The following SMC4 variants were observed in gnomAD, a reference collection of about 807,000 sequenced individuals.
SMC4 encodes structural maintenance of chromosomes protein 4.
In SMC4, 87 loss-of-function variants were observed where a neutral mutation model predicts 145.6. The ratio of observed to expected loss-of-function variants is 0.60; its 90% confidence interval spans 0.50 to 0.71. The LOEUF is 0.71. Among genes scored for constraint, SMC4 ranks in the 30% least tolerant of loss-of-function variants. SMC4 has a pLI of 0.00. For missense variants in SMC4, 1,447 were observed against 1,537.1 expected (o/e 0.94, Z 0.98); for synonymous variants, 558 against 500.7 (o/e 1.11, Z -1.53).
chr3:160,401,801 C>G, intron 2 of SMC4, 114 bp from the exon 3 acceptor site: 1 of 733,958 alleles, frequency 1.4e-6, no homozygotes, highest in Non-Finnish European at 2.2e-6. Context: ...TAAATAACAT[C>G]CCTCCATCCC....
chr3:160,426,037 T>G, intron 16 of SMC4, 37 bp from the exon 17 acceptor site: 1 of 1,499,466 alleles, frequency 6.7e-7, no homozygotes, highest in Non-Finnish European at 9.0e-7. Context: ...AAGCAAATGT[T>G]AAAATATTGA....
chr3:160,426,971 C>A (rs994515900), intron 17 of SMC4, among the ~76,000 whole-genome samples: 1 of 152,178 alleles, frequency 6.6e-6, no homozygotes, highest in Non-Finnish European at 1.5e-5. Context: ...GATTAACCAT[C>A]CCAAAGAACT....
In SMC4 at chr3:160,431,676, A is replaced by G. The variant is rs1228728794; in HGVS notation, c.3148A>G (p.Asn1050Asp). The change falls in exon 21 of 24, where the codon AAT (asparagine) becomes GAT (aspartate). Residue 1050 changes from asparagine to aspartate, a missense_variant. Coordinates refer to ENST00000357388, the MANE Select transcript of SMC4 (RefSeq NM_001002800.3). ...SKISLHPIED[N>D]PIEEISVLSP... Reference sequence around the variant, plus strand: ...AATATCACTGCATCCTATAGAAGATAATCCTATTGAAGAGATTTCGGTTCT... The same window carrying G: ...AATATCACTGCATCCTATAGAAGATGATCCTATTGAAGAGATTTCGGTTCT... The G allele has an allele frequency of 6.2e-7, 1 of 1,607,324 alleles. No individual in the cohort carries two copies. Among genetic ancestry groups the G allele is most frequent in the Non-Finnish European group, 8.5e-7 (1 of 1,178,550 alleles).
intron 13 of SMC4, among the ~76,000 whole-genome samples, chr3:160,421,864 C>T (rs934982481): frequency 1.3e-5 from 2 of 152,164 alleles, no homozygotes; most frequent in African/African-American, 2.4e-5. Context: ...GAAAGAAACC[C>T]CATAGACAGT....
intron 22 of SMC4, chr3:160,432,732 T>A: frequency 1.9e-6 from 1 of 530,488 alleles, no homozygotes. Flanking sequence ...TTTTCTTAAA[T>A]TTTCAAGGCA....
rs780172732 is a variant in SMC4 at position 160,414,537 on chromosome 3, T to C, written c.1272+20T>C. The C allele has an allele frequency of 1.2e-6, 2 of 1,602,388 alleles. No homozygotes were observed. Among genetic ancestry groups the C allele is most frequent in the Non-Finnish European group, 1.7e-6 (2 of 1,173,444 alleles). ...GAAAAGGTAGGTGTTAGAAAAAAATTCTTAAAATTTCACGTCTGAATATCA... is the reference window on the plus strand; with the variant it reads ...GAAAAGGTAGGTGTTAGAAAAAAATCCTTAAAATTTCACGTCTGAATATCA... On this transcript the variant is annotated intron_variant, in intron 9 of 23. Transcript: ENST00000357388.
Position 160,416,338 on chromosome 3 carries a change from GAGAA to G in SMC4, c.1365_1368del (p.Glu456LysfsTer4), listed in dbSNP as rs1381201865. ...AAACAATGCCCTCGAGAAGGAAAAA[GAGAA>G]AGAAGAAAAAAAATTAAAGGAAGTT... On this transcript the variant is annotated frameshift_variant, in exon 10 of 24. Coordinates refer to ENST00000357388, the MANE Select transcript of SMC4 (RefSeq NM_001002800.3). LOFTEE classifies it high-confidence loss of function. The G allele has an allele frequency of 1.3e-6, 2 of 1,598,706 alleles. No homozygotes were observed. Among genetic ancestry groups the G allele is most frequent in the Non-Finnish European group, 1.7e-6 (2 of 1,172,882 alleles).
chr3:160,432,651 T>C (rs1033092136), intron 22 of SMC4, 136 bp downstream of exon 22: 1 of 609,494 alleles, frequency 1.6e-6, no homozygotes, highest in African/African-American at 1.9e-5. Context: ...CTAATTTGCT[T>C]GCATGCTATT....
At position 160,423,350 on chromosome 3, in the gene SMC4, T is replaced by G. The variant is rs78770708; in HGVS notation, c.2020-75T>G. The G allele has an allele frequency of 7.4e-4, 651 of 882,510 alleles. 12 individuals are homozygous for G. Among genetic ancestry groups the G allele is most frequent in the South Asian group, 1.6e-3 (81 of 50,986 alleles). 54.7% of individuals were successfully genotyped at this position (882,510 alleles called of 1,614,324 possible). A position where few individuals can be genotyped will look rare whatever the true frequency, so the allele number is the denominator to read the frequency against. Reference sequence around the variant, plus strand: ...CTTTTGTTGAATTTATTCCTATGGGTTTTTTTTTGTTTTTTTTTTTGAGTT... The same window carrying G: ...CTTTTGTTGAATTTATTCCTATGGGGTTTTTTTTGTTTTTTTTTTTGAGTT... On this transcript the variant is annotated intron_variant, in intron 13 of 23. Transcript: ENST00000357388.
chr3:160,417,951 A>C lies in SMC4; in HGVS notation c.1666A>C (p.Lys556Gln), dbSNP rs757892347. 3.1e-6 allele frequency: 5 copies of C among 1,607,322 alleles called. No individual in the cohort carries two copies. The Admixed American group carries it at 8.4e-5, about 27-fold the overall frequency. Residue 556 changes from lysine (K) to glutamine (Q), a missense_variant, in exon 11 of 24, where the codon AAG (lysine) becomes CAG (glutamine). Lys to Gln is a moderately conservative substitution (Grantham distance 53). Transcript: ENST00000357388. ...GKLPQTEQEL[K>Q]EKEKELQKLT... ...ACTCCCTCAAACTGAACAAGAATTA[A>C]AGGAGGTAAATCTTTGCTTCTCTGT...
rs1164997460 is a variant in SMC4 at position 160,400,851 on chromosome 3, T to A, written c.25T>A (p.Ser9Thr). The A allele has an allele frequency of 2.0e-6, 3 of 1,537,198 alleles. No individual in the cohort carries two copies. In the South Asian group the frequency reaches 3.6e-5, roughly 18 times the overall value. The change falls in exon 2 of 24, where the codon TCC becomes ACC. Residue 9 changes from serine (S) to threonine (T), a missense_variant. Transcript: ENST00000357388. ...CATGCCCCGTAAAGGCACCCAGCCC[T>A]CCACTGCCCGGCGCAGAGAGGAAGG... MPRKGTQP[S>T]TARRREEGPP... is the part of the protein sequence containing the mutation.
At chr3:160,412,228 TCTC>T (rs1469391479) in intron 6 of SMC4, 95 bp from the exon 7 acceptor site, 2 of 1,428,022 alleles carry the variant, frequency 1.4e-6, no homozygotes, top group African/African-American at 1.5e-5. Context: ...AGATGAACAT[TCTC>T]CTTATTAACT....
At position 160,409,220 on chromosome 3, in the gene SMC4, C is replaced by T. The variant is rs976559692; in HGVS notation, c.688-2700C>T. On this transcript the variant is annotated intron_variant, in intron 5 of 23. Transcript: ENST00000357388. ...GGCGGAGCTTGCAGTGAGTCGAGAT[C>T]GCGCCACTGCACTCCAGCCTGGGCG... 6.8e-5 allele frequency among the ~76,000 whole-genome samples: 9 copies of T among 133,088 alleles called. No homozygotes were observed. The East Asian group carries it at 1.1e-3, about 16-fold the overall frequency. 87.3% of individuals were successfully genotyped at this position (133,088 alleles called of 152,430 possible).
intron 11 of SMC4, 91 bp downstream of exon 11, chr3:160,418,047 T>G: frequency 1.0e-6 from 1 of 988,210 alleles, no homozygotes; most frequent in Non-Finnish European, 1.5e-6. Flanking sequence ...CAGAGGTGAC[T>G]AGTGATAAAT....
At position 160,416,434 on chromosome 3, in the gene SMC4, TC is replaced by T; in HGVS notation, c.1437+20del. 7.2e-7 allele frequency: 1 copy of T among 1,388,466 alleles called. No individual in the cohort carries two copies. Among genetic ancestry groups the T allele is most frequent in the East Asian group, 2.4e-5 (1 of 41,584 alleles). The allele number at this position is 1,388,466 out of a possible 1,614,324, so 86.0% of individuals were successfully genotyped here. On this transcript the variant is annotated intron_variant, in intron 10 of 23. Transcript: ENST00000357388. ...AAAAGAAGTAAGTTTTTTTTTTTTA[TC>T]AGTGTTTATTTTGGTGGCTTTTTTT...
At chr3:160,421,360 ATTGT>A (rs1717158027) in intron 13 of SMC4, among the ~76,000 whole-genome samples, 1 of 152,242 alleles carries the variant, frequency 6.6e-6, no homozygotes, top group Non-Finnish European at 1.5e-5. Flanking sequence ...ATTATAAAAA[ATTGT>A]TTGACATTTG....
Position 160,433,124 on chromosome 3 carries a change from A to G in SMC4, c.3629A>G (p.Tyr1210Cys). The change falls in exon 23 of 24, where the codon TAC becomes TGC. Residue 1210 changes from tyrosine (Y) to cysteine (C), a missense_variant. By Grantham distance (194) the Tyr-to-Cys change is radical. Transcript: ENST00000357388. Reference sequence around the variant, plus strand: ...GCTTTAGTATTTGCTCTTCACCACTACAAGCCCACTCCCCTTTACTTCATG... The same window carrying G: ...GCTTTAGTATTTGCTCTTCACCACTGCAAGCCCACTCCCCTTTACTTCATG... The part of the protein sequence containing the change: ...SLALVFALHH[Y>C]KPTPLYFMDE... 1 of 1,613,406 alleles carries G rather than the reference A, an allele frequency of 6.2e-7. No individual in the cohort carries two copies. The highest frequency in any genetic ancestry group is 8.5e-7 in the Non-Finnish European group (1 of 1,179,440).
intron 19 of SMC4, 91 bp from the exon 20 acceptor site, chr3:160,430,941 G>T: frequency 1.5e-6 from 2 of 1,330,708 alleles, no homozygotes; most frequent in Admixed American, 4.8e-5. Context: ...GAAGGGGCAT[G>T]AGGAGAGATT....
In SMC4 at chr3:160,407,278, T is replaced by C. The variant is rs116753732; in HGVS notation, c.687+2774T>C. 6.1e-3 allele frequency among the ~76,000 whole-genome samples: 924 copies of C among 152,302 alleles called. 11 individuals are homozygous for C. The highest frequency in any genetic ancestry group is 0.022 in the African/African-American group (899 of 41,568). ...AGTTTGAAACACGAACCAGGCTGGG[T>C]GCATTAGCTCACGCCTATAATCCCA... On this transcript the variant is annotated intron_variant, in intron 5 of 23. Transcript: ENST00000357388.
Sources: gnomAD v4.1 joint callset for allele counts (sites outside exome capture counted in the v4.1 genomes callset) on GRCh38, gnomAD v4.1.1 for gene constraint, MANE v1.5 for transcripts, NCBI Gene and HGNC (gene_info 2026-07-23, HGNC 2026-07-21) for gene names.